The following PDE8B variants were observed in gnomAD, a reference collection of about 807,000 sequenced individuals.
PDE8B encodes the protein high affinity cAMP-specific and IBMX-insensitive 3',5'-cyclic phosphodiesterase 8B.
Under a neutral mutation model 101.3 loss-of-function variants are expected in PDE8B, and 26 were observed. That is an observed-to-expected ratio of 0.26 (90% CI 0.19 to 0.36). The LOEUF is 0.36. PDE8B is among the 10% of genes least tolerant of loss of function. The pLI is 1.00. For synonymous variants in PDE8B, 424 were observed against 429.3 expected (o/e 0.99, Z 0.15); for missense variants, 810 against 1,163.1 (o/e 0.70, Z 4.42).
At chr5:77,162,842 G>A in the PDE8B span, among the ~76,000 whole-genome samples, 1 of 152,138 alleles carries the variant, frequency 6.6e-6, no homozygotes, top group Non-Finnish European at 1.5e-5. Context: ...TTTGTAAATT[G>A]CCTTTCTCAG....
intron 9 of PDE8B, 98 bp downstream of exon 9, chr5:77,351,251 A>G: frequency 1.1e-6 from 1 of 886,654 alleles, no homozygotes; most frequent in Non-Finnish European, 1.9e-6. Flanking sequence ...TACATCCACA[A>G]ATGCAGTAGG....
intron 10 of PDE8B, among the ~76,000 whole-genome samples, chr5:77,361,783 G>GGATT (rs1783156101): frequency 6.6e-6 from 1 of 152,022 alleles, no homozygotes; most frequent in South Asian, 2.1e-4. Context: ...TAAAGTGCTG[G>GGATT]GATTACAGGC....
intron 10 of PDE8B, among the ~76,000 whole-genome samples, chr5:77,391,133 A>G (rs193299816): frequency 6.6e-6 from 1 of 152,366 alleles, no homozygotes; most frequent in African/African-American, 2.4e-5. Context: ...TTTTAGAATA[A>G]TTTCTACTGA....
At position 77,211,144 on chromosome 5, in the gene PDE8B, G is replaced by T. The variant is rs960150293; in HGVS notation, c.219G>T (p.Glu73Asp). ...SVARVRRART[E>D]LGSGSSAGSA... The stretch of plus-strand genomic sequence containing the variant: ...CCCGCGTCCGCAGGGCCCGCACCGA[G>T]CTGGGCAGCGGTAGCAGCGCGGGTT... Residue 73 changes from glutamate (E) to aspartate (D), a missense_variant, in exon 1 of 22, where the codon GAG becomes GAT. By Grantham distance (45) the Glu-to-Asp change is conservative. Transcript: ENST00000264917. This position sits in a 1 kb window ranked among gnomAD's most constrained non-coding sequence, Gnocchi z 4.1. The T allele has an allele frequency of 1.3e-6, 2 of 1,527,780 alleles. No homozygotes were observed. Among genetic ancestry groups the T allele is most frequent in the Non-Finnish European group, 1.7e-6 (2 of 1,143,936 alleles). 94.6% of individuals were successfully genotyped at this position (1,527,780 alleles called of 1,614,324 possible). A position where few individuals can be genotyped will look rare whatever the true frequency, so the allele number is the denominator to read the frequency against.
chr5:77,344,196 AT>A (rs1378829314), intron 6 of PDE8B, among the ~76,000 whole-genome samples: 1 of 152,224 alleles, frequency 6.6e-6, no homozygotes, highest in Non-Finnish European at 1.5e-5. Context: ...GTTATATCTT[AT>A]CAAATGTTAT....
intron 1 of PDE8B, among the ~76,000 whole-genome samples, chr5:77,295,560 TAAG>T (rs1768333534): frequency 6.6e-6 from 1 of 152,182 alleles, no homozygotes; most frequent in Non-Finnish European, 1.5e-5. Flanking sequence ...TCCCTCCTTT[TAAG>T]AAGCCACACA....
intron 10 of PDE8B, among the ~76,000 whole-genome samples, chr5:77,360,446 C>A (rs562089642): frequency 6.6e-6 from 1 of 152,330 alleles, no homozygotes; most frequent in South Asian, 2.1e-4. Context: ...GGTGTTAGCA[C>A]TCTATGGAAA....
At chr5:77,296,352 C>T (rs2149994883) in intron 1 of PDE8B, among the ~76,000 whole-genome samples, 1 of 152,206 alleles carries the variant, frequency 6.6e-6, no homozygotes, top group Admixed American at 6.5e-5. Flanking sequence ...GCCTCAACTT[C>T]CTGGGCTCAA....
the PDE8B span, among the ~76,000 whole-genome samples, chr5:77,162,488 CAG>C: frequency 6.6e-6 from 1 of 151,994 alleles, no homozygotes; most frequent in Non-Finnish European, 1.5e-5. Context: ...AAGGGAAGAA[CAG>C]AGTTGGAACA....
chr5:77,222,240 T>TC (rs1751265839), intron 1 of PDE8B, among the ~76,000 whole-genome samples: 1 of 152,150 alleles, frequency 6.6e-6, no homozygotes, highest in Non-Finnish European at 1.5e-5. Context: ...AGAGGTACAG[T>TC]CCCTGTAAAC....
At chr5:77,425,664 C>T in intron 20 of PDE8B, 103 bp from the exon 21 acceptor site, 4 of 1,194,782 alleles carry the variant, frequency 3.3e-6, no homozygotes, top group Non-Finnish European at 5.0e-6. Flanking sequence ...ATTGAGAAAA[C>T]TGGATAATGA....
chr5:77,378,628 CAGT>C (rs1485309397), intron 10 of PDE8B, among the ~76,000 whole-genome samples: 6 of 152,108 alleles, frequency 3.9e-5, no homozygotes, highest in Admixed American at 6.6e-5. Context: ...GCTTGCGAGT[CAGT>C]AGTTCTAACA....
intron 1 of PDE8B, among the ~76,000 whole-genome samples, chr5:77,218,054 C>T (rs1026357000): frequency 3.9e-5 from 6 of 152,112 alleles, no homozygotes; most frequent in African/African-American, 1.4e-4. Context: ...TAGGATTAGC[C>T]TACCCTGCTG....
chr5:77,186,767 C>T, the PDE8B span, among the ~76,000 whole-genome samples: 1 of 152,136 alleles, frequency 6.6e-6, no homozygotes, highest in Non-Finnish European at 1.5e-5. Flanking sequence ...GGGTGAACCA[C>T]ACCCTTCATC....
the PDE8B span, among the ~76,000 whole-genome samples, chr5:77,157,668 A>G: frequency 6.6e-6 from 1 of 152,346 alleles, no homozygotes; most frequent in African/African-American, 2.4e-5. Flanking sequence ...CTGGCATACA[A>G]TAGGTGCTTA....
chr5:77,413,529 C>T (rs1290696169), intron 17 of PDE8B, among the ~76,000 whole-genome samples: 1 of 152,092 alleles, frequency 6.6e-6, no homozygotes, highest in East Asian at 1.9e-4. Flanking sequence ...AATTATATCA[C>T]CATAGAGACT....
chr5:77,333,422 C>A (rs943976025), intron 5 of PDE8B, among the ~76,000 whole-genome samples: 1 of 152,116 alleles, frequency 6.6e-6, no homozygotes, highest in Non-Finnish European at 1.5e-5. Context: ...GTAATATTGA[C>A]CCCCCGACTC....
the PDE8B span, among the ~76,000 whole-genome samples, chr5:77,201,560 A>G: frequency 6.6e-6 from 1 of 152,198 alleles, no homozygotes; most frequent in African/African-American, 2.4e-5. Context: ...ATCCAGATGA[A>G]GAATTCCCTT....
At chr5:77,098,606 C>T in the PDE8B span, 7 of 152,120 alleles carry the variant, frequency 4.6e-5, no homozygotes, top group Admixed American at 2.6e-4. Context: ...ACTTCTACCC[C>T]ATTGTTTAAC....
Sources: allele counts gnomAD v4.1 joint callset (sites outside exome capture counted in the v4.1 genomes callset), GRCh38; gene constraint gnomAD v4.1.1; non-coding constraint Gnocchi (gnomAD v3.1); transcripts MANE v1.5; gene names NCBI Gene and HGNC (gene_info 2026-07-23, HGNC 2026-07-21).